CDC14B: variants seen among roughly 807,000 people sequenced by gnomAD.
CDC14B encodes cell division cycle 14B, also known as dual specificity protein phosphatase CDC14B.
CDC14B carries 22 observed loss-of-function variants against 64.2 expected under a neutral mutation model. That is an observed-to-expected ratio of 0.34 (90% confidence interval 0.24 to 0.49). The LOEUF is 0.49. CDC14B is among the 20% of genes least tolerant of loss of function. The pLI, the probability that CDC14B is intolerant of heterozygous loss-of-function variation, is 0.99. For missense variants in CDC14B, 498 were observed against 629.9 expected (o/e 0.79, Z 2.24); for synonymous variants, 191 against 215.8 (o/e 0.89, Z 1.01).
chr9:96,496,393 T>TACCACC (rs60964390), downstream of CDC14B: 53 of 481,916 alleles, frequency 1.1e-4, no homozygotes, highest in Middle Eastern at 1.3e-3. Flanking sequence ...GCGCTGTACT[T>TACCACC]ACCACCACCA....
rs1833464129 is a variant in CDC14B at position 96,500,458 on chromosome 9, T to C, written c.*3295A>G. 1 of 152,690 alleles carries C rather than the reference T, an allele frequency of 6.5e-6. No individual in the cohort carries two copies. The highest frequency in any genetic ancestry group is 2.4e-5 in the African/African-American group (1 of 41,474). 9.5% of individuals were successfully genotyped at this position (152,690 alleles called of 1,614,324 possible). On this transcript the variant is annotated 3_prime_UTR_variant, in exon 14 of 14. Transcript: ENST00000375241. ...TAGATAAAAGTCTGCAAATTATTAA[T>C]AGAAAACTGCAGTACTATCATCGGA...
intron 12 of CDC14B, among the ~76,000 whole-genome samples, chr9:96,518,781 G>A (rs911631807): frequency 5.3e-5 from 8 of 152,278 alleles, no homozygotes; most frequent in South Asian, 2.1e-4. Flanking sequence ...AGAATGGCCC[G>A]AATGTCCAAG....
intron 12 of CDC14B, among the ~76,000 whole-genome samples, chr9:96,510,934 TAATC>T (rs981544954): frequency 2.0e-5 from 3 of 152,196 alleles, no homozygotes; most frequent in South Asian, 2.1e-4. Flanking sequence ...CTTCAAGAGA[TAATC>T]AATGACAAAC....
chr9:96,531,974 T>C (rs1838561594), intron 9 of CDC14B, among the ~76,000 whole-genome samples: 1 of 152,186 alleles, frequency 6.6e-6, no homozygotes, highest in African/African-American at 2.4e-5. Context: ...TTTTAAGTGT[T>C]TGGTAGAATT....
At chr9:96,577,774 T>C (rs1387858737) in intron 1 of CDC14B, among the ~76,000 whole-genome samples, 1 of 152,208 alleles carries the variant, frequency 6.6e-6, no homozygotes, top group East Asian at 1.9e-4. Context: ...GTAATTCCAG[T>C]TCTAGATTTA....
In CDC14B at chr9:96,518,642, C is replaced by CA. The variant is rs1212463284; in HGVS notation, c.1343+3863dup. Among the ~76,000 whole-genome samples the CA allele has an allele frequency of 4.6e-5, 7 of 151,612 alleles. No homozygotes were observed. In the South Asian group the frequency reaches 6.2e-4, roughly 14 times the overall value. ...CACACCATCTTATTTAATCTTCCCA[C>CA]AAAAAAAACAAGCTACTAATATACA... On this transcript the variant is annotated intron_variant, in intron 12 of 13. Coordinates refer to ENST00000375241, the MANE Select transcript of CDC14B (RefSeq NM_033331.4).
chr9:96,587,352 G>C (rs1378990756), intron 1 of CDC14B, among the ~76,000 whole-genome samples: 1 of 152,190 alleles, frequency 6.6e-6, no homozygotes, highest in East Asian at 1.9e-4. Flanking sequence ...AGCACACACG[G>C]AGGAAATAAA....
chr9:96,552,572 T>C (rs1564317679), intron 4 of CDC14B, among the ~76,000 whole-genome samples: 1 of 152,234 alleles, frequency 6.6e-6, no homozygotes, highest in Non-Finnish European at 1.5e-5. Flanking sequence ...CTCTTGATAG[T>C]TTCTAGATAA....
chr9:96,583,370 T>C (rs1564371296), intron 1 of CDC14B, among the ~76,000 whole-genome samples: 1 of 139,104 alleles, frequency 7.2e-6, no homozygotes, highest in Non-Finnish European at 1.5e-5. Flanking sequence ...GTTGTATTTA[T>C]TTATTATTAT....
chr9:96,573,744 G>C (rs1374855547), intron 1 of CDC14B, among the ~76,000 whole-genome samples: 2 of 152,092 alleles, frequency 1.3e-5, no homozygotes, highest in Non-Finnish European at 2.9e-5. Context: ...TGAATTAAAT[G>C]TAATAAATTT....
intron 1 of CDC14B, among the ~76,000 whole-genome samples, chr9:96,568,848 T>C (rs951034719): frequency 6.7e-6 from 1 of 149,738 alleles, no homozygotes; most frequent in African/African-American, 2.5e-5. Flanking sequence ...ACCCGGGAGG[T>C]GGAGGTTGCA....
At chr9:96,603,945 T>C (rs188733394) in intron 1 of CDC14B, among the ~76,000 whole-genome samples, 91 of 152,324 alleles carry the variant, frequency 6.0e-4, no homozygotes, top group Non-Finnish European at 1.1e-3. Flanking sequence ...AGATCCACCT[T>C]GAAACATTCC....
Position 96,515,147 on chromosome 9 carries a change from A to G in CDC14B, c.1344-5358T>C, listed in dbSNP as rs998061804. On this transcript the variant is annotated intron_variant, in intron 12 of 13. Transcript: ENST00000375241. The surrounding 1 kb of genome is among the most constrained non-coding windows in gnomAD (Gnocchi z 4.3). ...ACTAAAGAGAGAAGACTTATGAGAG[A>G]GCTGCTGTACAATGGCAGATTTCGA... Among the ~76,000 whole-genome samples, 5 of 152,258 alleles carry G rather than the reference A, an allele frequency of 3.3e-5. No individual in the cohort carries two copies. Among genetic ancestry groups the G allele is most frequent in the East Asian group, 3.8e-4 (2 of 5,198 alleles).
At chr9:96,610,673 T>C (rs1353808313) in intron 1 of CDC14B, among the ~76,000 whole-genome samples, 1 of 149,236 alleles carries the variant, frequency 6.7e-6, no homozygotes, top group Non-Finnish European at 1.5e-5. Context: ...CAGGAGTAGC[T>C]GTTATAGTTA....
chr9:96,619,332 G>T lies in CDC14B; in HGVS notation c.47C>A (p.Pro16His), dbSNP rs779941105. 9.4e-6 allele frequency: 12 copies of T among 1,281,074 alleles called. 1 individual carries two copies. Among genetic ancestry groups the T allele is most frequent in the East Asian group, 6.0e-5 (2 of 33,522 alleles). The allele number at this position is 1,281,074 out of a possible 1,614,324, so 79.4% of individuals were successfully genotyped here. Residue 16 changes from proline to histidine, a missense_variant, in exon 1 of 14, where the codon CCC (proline) becomes CAC (histidine). Transcript: ENST00000375241. Reference sequence around the variant, plus strand: ...GGTCGACGAGCAGCGCCGCGAGCAGGGGGGCGCGGCGGCCCAGCTCGACCG... The same window carrying T: ...GGTCGACGAGCAGCGCCGCGAGCAGTGGGGCGCGGCGGCCCAGCTCGACCG... ...ERRSSWAAAP[P>H]CSRRCSSTSP...
At chr9:96,579,213 C>T (rs1275831722) in intron 1 of CDC14B, among the ~76,000 whole-genome samples, 3 of 152,146 alleles carry the variant, frequency 2.0e-5, no homozygotes, top group East Asian at 1.9e-4. Flanking sequence ...TGACCCCCAA[C>T]GTGACTACAG....
intron 5 of CDC14B, among the ~76,000 whole-genome samples, chr9:96,545,957 A>C (rs1309735207): frequency 2.6e-5 from 4 of 152,226 alleles, no homozygotes; most frequent in Non-Finnish European, 2.9e-5. Context: ...AGCAACTCTG[A>C]GGCTCAGTTT....
chr9:96,527,174 G>A (rs1373526359), intron 9 of CDC14B, among the ~76,000 whole-genome samples: 2 of 152,148 alleles, frequency 1.3e-5, no homozygotes, highest in Non-Finnish European at 2.9e-5. Context: ...GGGAGGCCGA[G>A]GCAGGTGGAT....
rs183687056 is a variant in CDC14B, at chr9:96,559,866, T to C, written c.420+2827A>G. ...TGGAAGGATTTCTAAATCTAAGATA[T>C]ATTAACTATAGAAAAATAAGCTTCT... On this transcript the variant is annotated intron_variant, in intron 4 of 13. Transcript: ENST00000375241. 2.3e-3 allele frequency among the ~76,000 whole-genome samples: 352 copies of C among 152,280 alleles called. 4 individuals are homozygous for C. Among genetic ancestry groups the C allele is most frequent in the African/African-American group, 8.0e-3 (332 of 41,554 alleles).
Sources: gnomAD v4.1 joint callset for allele counts (sites outside exome capture counted in the v4.1 genomes callset) on GRCh38, gnomAD v4.1.1 for gene constraint, Gnocchi (gnomAD v3.1) non-coding constraint, MANE v1.5 for transcripts, NCBI Gene and HGNC (gene_info 2026-07-23, HGNC 2026-07-21) for gene names.